Variants in SLC8A1 observed in about 807,000 individuals in gnomAD.
The protein encoded by SLC8A1 is solute carrier family 8 member A1.
A neutral mutation model predicts 68.3 loss-of-function variants in SLC8A1; 18 were observed. The observed-to-expected ratio is 0.26, with a 90% CI of 0.18 to 0.39. The LOEUF is 0.39. Ranked by LOEUF, SLC8A1 falls within the 10% of genes least tolerant of loss-of-function variation. The pLI is 1.00. For missense variants in SLC8A1, 985 were observed against 1,156.7 expected (o/e 0.85, Z 2.15); for synonymous variants, 475 against 415.5 (o/e 1.14, Z -1.74).
intron 2 of SLC8A1, among the ~76,000 whole-genome samples, chr2:40,301,379 T>C (rs770625546): frequency 6.6e-5 from 10 of 152,198 alleles, no homozygotes; most frequent in Non-Finnish European, 1.2e-4. Flanking sequence ...CCAAAACTTA[T>C]CCCAACTGAA....
chr2:40,283,066 A>T (rs1040010033), intron 2 of SLC8A1, among the ~76,000 whole-genome samples: 2 of 152,244 alleles, frequency 1.3e-5, no homozygotes, highest in Non-Finnish European at 1.5e-5. Flanking sequence ...TTACTTAATT[A>T]ACTATTCTAC....
rs1430704167 is a variant in SLC8A1, at chr2:40,236,921, C to T, written c.1809-59066G>A. On this transcript the variant is annotated intron_variant, in intron 2 of 7. Transcript: ENST00000406785. ...AATTCTTTTCTTTAAGAATGTTGAA[C>T]ATTGGCCCCCACTCTCTTCTGGCTT... Among the ~76,000 whole-genome samples the T allele has an allele frequency of 5.3e-5, 8 of 152,068 alleles. No individual in the cohort carries two copies. In the South Asian group the frequency reaches 6.2e-4, roughly 12 times the overall value.
At chr2:40,254,628 G>T (rs1055856893) in intron 2 of SLC8A1, 4 of 151,970 alleles carry the variant, frequency 2.6e-5, no homozygotes, top group African/African-American at 9.7e-5. Flanking sequence ...TCAGAAAATT[G>T]TGAGTTTTAA....
chr2:40,252,084 G>A (rs1456651134), intron 2 of SLC8A1, among the ~76,000 whole-genome samples: 2 of 152,302 alleles, frequency 1.3e-5, no homozygotes, highest in Admixed American at 6.5e-5. Context: ...GTTGATGGAT[G>A]AGCAAACTAT....
At chr2:40,407,637 G>T (rs1173764116) in intron 2 of SLC8A1, among the ~76,000 whole-genome samples, 2 of 152,066 alleles carry the variant, frequency 1.3e-5, no homozygotes, top group Non-Finnish European at 2.9e-5. Context: ...ACAGCTCTTG[G>T]TGCACTGCAT....
At chr2:40,232,944 C>T (rs1466833105) in intron 2 of SLC8A1, among the ~76,000 whole-genome samples, 4 of 151,162 alleles carry the variant, frequency 2.6e-5, no homozygotes, top group African/African-American at 7.3e-5. Flanking sequence ...TTTTTTATGG[C>T]TGCATAGTAT....
intron 2 of SLC8A1, among the ~76,000 whole-genome samples, chr2:40,335,307 C>T (rs940524120): frequency 3.9e-5 from 6 of 152,082 alleles, no homozygotes; most frequent in Admixed American, 2.6e-4. Flanking sequence ...TTCTAATTTC[C>T]TAGAATATCA....
chr2:40,333,167 G>C lies in SLC8A1; in HGVS notation c.1808+95306C>G, dbSNP rs1016749623. On this transcript the variant is annotated intron_variant, in intron 2 of 7. Transcript: ENST00000406785. ...TAAAACTGTCTTTTAGGCCGGGTGC[G>C]GTGGCTCACGCCTATAATCCCAGCA... Among the ~76,000 whole-genome samples the C allele has an allele frequency of 2.6e-5, 4 of 152,266 alleles. No homozygotes were observed. In the South Asian group the frequency reaches 8.3e-4, roughly 32 times the overall value.
intron 5 of SLC8A1, 84 bp from the exon 9 acceptor site, chr2:40,160,948 A>G (rs1399926919): frequency 5.3e-6 from 5 of 936,746 alleles, no homozygotes; most frequent in Non-Finnish European, 8.6e-6. Context: ...TTGAAACTCC[A>G]GAGTTATATA....
chr2:40,108,592 T>A (rs1398686611), exon 8 of SLC8A1: 1 of 152,188 alleles, frequency 6.6e-6, no homozygotes, highest in Non-Finnish European at 1.5e-5. Context: ...TTTCTCAAAC[T>A]TGAGCATTAG....
chr2:40,340,627 T>C (rs1057478770), intron 2 of SLC8A1, among the ~76,000 whole-genome samples: 9 of 152,166 alleles, frequency 5.9e-5, no homozygotes. Context: ...ACCCATGCCC[T>C]TCCCAGGTTT....
exon 2 of SLC8A1, chr2:40,429,170 G>A (rs1438160166): frequency 6.2e-7 from 1 of 1,613,640 alleles, no homozygotes. Flanking sequence ...CCAGTCATGA[G>A]GCGAGTAGCT....
intron 2 of SLC8A1, among the ~76,000 whole-genome samples, chr2:40,200,247 TATATATA>T (rs2054068916): frequency 5.6e-5 from 1 of 18,006 alleles, no homozygotes; most frequent in Admixed American, 5.2e-4. Context: ...TAAATATATA[TATATATA>T]TATATATATA....
intron 2 of SLC8A1, among the ~76,000 whole-genome samples, chr2:40,248,087 G>GA (rs1194901694): frequency 3.3e-5 from 5 of 152,048 alleles, no homozygotes; most frequent in Non-Finnish European, 5.9e-5. Flanking sequence ...ATTGTTTATG[G>GA]ATTTTTTAAA....
At chr2:40,471,029 A>C (rs1350703255) in intron 1 of SLC8A1, among the ~76,000 whole-genome samples, 1 of 152,170 alleles carries the variant, frequency 6.6e-6, no homozygotes, top group Admixed American at 6.5e-5. Context: ...TAAAATGGGA[A>C]GACTTGCTGC....
At chr2:40,436,756 T>C (rs1326166608) in intron 1 of SLC8A1, among the ~76,000 whole-genome samples, 1 of 151,976 alleles carries the variant, frequency 6.6e-6, no homozygotes, top group Non-Finnish European at 1.5e-5. Context: ...ATCTGCATGC[T>C]AACACGGAAA....
chr2:40,441,363 T>C (rs1219990758), intron 1 of SLC8A1, among the ~76,000 whole-genome samples: 1 of 148,786 alleles, frequency 6.7e-6, no homozygotes, highest in Non-Finnish European at 1.5e-5. Flanking sequence ...GCTATTCCCA[T>C]CAAACTACCA....
At chr2:40,492,623 A>G (rs950156903) in intron 1 of SLC8A1, among the ~76,000 whole-genome samples, 8 of 150,408 alleles carry the variant, frequency 5.3e-5, no homozygotes, top group African/African-American at 1.7e-4. Flanking sequence ...TCCAGAATCT[A>G]CAATGAACTC....
intron 4 of SLC8A1, among the ~76,000 whole-genome samples, chr2:40,174,342 G>A (rs1573565275): frequency 6.6e-6 from 1 of 152,066 alleles, no homozygotes; most frequent in Non-Finnish European, 1.5e-5. Context: ...TTAGGATCCT[G>A]AGCTTGGACC....
Sources: gnomAD v4.1 joint callset for allele counts (sites outside exome capture counted in the v4.1 genomes callset) on GRCh38, gnomAD v4.1.1 for gene constraint, MANE v1.5 for transcripts, NCBI Gene and HGNC (gene_info 2026-07-23, HGNC 2026-07-21) for gene names.